The following MACROD2 variants were observed in gnomAD, a reference collection of about 807,000 sequenced individuals.
MACROD2 encodes ADP-ribose glycohydrolase MACROD2.
Under a neutral mutation model 70.4 loss-of-function variants are expected in MACROD2, and 36 were observed. That is an observed-to-expected ratio of 0.51 (90% confidence interval 0.39 to 0.68). The LOEUF is 0.68. MACROD2 is among the 30% of genes least tolerant of loss of function. MACROD2 has a pLI of 0.00. For synonymous variants in MACROD2, 172 were observed against 178.8 expected, an observed-to-expected ratio of 0.96 and a Z score of 0.30; for missense variants, 496 against 538.4, an observed-to-expected ratio of 0.92 and a Z score of 0.78.
intron 3 of MACROD2, among the ~76,000 whole-genome samples, chr20:14,415,481 TTC>T (rs1205291688): frequency 1.3e-5 from 2 of 152,138 alleles, no homozygotes; most frequent in Non-Finnish European, 2.9e-5. Context: ...GAGAGAAAAG[TTC>T]TTTGTAAATC....
chr20:14,372,579 G>A (rs182460078), intron 3 of MACROD2, among the ~76,000 whole-genome samples: 197 of 152,064 alleles, frequency 1.3e-3, no homozygotes, highest in African/African-American at 4.6e-3. Context: ...ATTAAAGAAG[G>A]GATATGTATT....
intron 4 of MACROD2, among the ~76,000 whole-genome samples, chr20:14,564,176 C>T (rs1979624739): frequency 6.6e-6 from 1 of 151,872 alleles, no homozygotes; most frequent in Non-Finnish European, 1.5e-5. Context: ...CTATCTTGTA[C>T]TGTATATAAA....
chr20:15,308,051 A>G (rs530046114), intron 6 of MACROD2, among the ~76,000 whole-genome samples: 9 of 152,180 alleles, frequency 5.9e-5, no homozygotes, highest in Non-Finnish European at 8.8e-5. Context: ...GAGGCAGGCA[A>G]TGGATGTTTA....
At chr20:15,976,539 G>A (rs2066309128) in intron 13 of MACROD2, among the ~76,000 whole-genome samples, 1 of 152,206 alleles carries the variant, frequency 6.6e-6, no homozygotes, top group South Asian at 2.1e-4. Flanking sequence ...GATGGAATGT[G>A]AAAGGTCTGC....
chr20:15,387,755 T>G (rs933301333), intron 6 of MACROD2, among the ~76,000 whole-genome samples: 4 of 140,712 alleles, frequency 2.8e-5, no homozygotes, highest in Non-Finnish European at 4.6e-5. Context: ...TTTTTTTTTT[T>G]TTGAGACAGG....
intron 5 of MACROD2, among the ~76,000 whole-genome samples, chr20:14,817,364 T>C (rs1041711839): frequency 2.0e-5 from 3 of 152,198 alleles, no homozygotes; most frequent in Non-Finnish European, 2.9e-5. Context: ...ACAATGCCTG[T>C]TGCCCCTGTG....
chr20:14,997,240 G>C (rs760031965), intron 5 of MACROD2, among the ~76,000 whole-genome samples: 40 of 152,124 alleles, frequency 2.6e-4, no homozygotes, highest in Non-Finnish European at 5.1e-4. Flanking sequence ...TAAAGCACCA[G>C]GCAGAGTCCT....
chr20:14,514,335 G>T (rs922976892), intron 4 of MACROD2, among the ~76,000 whole-genome samples: 2 of 152,064 alleles, frequency 1.3e-5, no homozygotes, highest in South Asian at 2.1e-4. Flanking sequence ...TTCACCATTG[G>T]AATGTCAGAT....
chr20:15,678,731 GC>G (rs1315559031), intron 8 of MACROD2, among the ~76,000 whole-genome samples: 1 of 152,192 alleles, frequency 6.6e-6, no homozygotes, highest in Non-Finnish European at 1.5e-5. Flanking sequence ...TCCTTTATGA[GC>G]CTAACTGAGA....
At chr20:15,874,987 A>C (rs927172071) in intron 9 of MACROD2, among the ~76,000 whole-genome samples, 33 of 152,152 alleles carry the variant, frequency 2.2e-4, no homozygotes, top group African/African-American at 7.7e-4. Context: ...TGACTGTGGA[A>C]GAATGTTCAG....
At chr20:14,151,859 T>G (rs1328283381) in intron 3 of MACROD2, among the ~76,000 whole-genome samples, 1 of 138,628 alleles carries the variant, frequency 7.2e-6, no homozygotes, top group Non-Finnish European at 1.5e-5. Flanking sequence ...TCTTGCTCTG[T>G]CGCCCAGGCT....
chr20:14,615,692 A>C (rs1983439175), intron 4 of MACROD2, among the ~76,000 whole-genome samples: 1 of 152,142 alleles, frequency 6.6e-6, no homozygotes, highest in Non-Finnish European at 1.5e-5. Flanking sequence ...AATATGTGCC[A>C]GTGTGTATTA....
intron 3 of MACROD2, among the ~76,000 whole-genome samples, chr20:14,306,292 T>G (rs1415698872): frequency 6.6e-6 from 1 of 152,102 alleles, no homozygotes; most frequent in Non-Finnish European, 1.5e-5. Flanking sequence ...TAAGGTACAA[T>G]CCTTGGTAAG....
intron 5 of MACROD2, among the ~76,000 whole-genome samples, chr20:14,846,849 A>C (rs1782534451): frequency 6.6e-6 from 1 of 152,106 alleles, no homozygotes; most frequent in Non-Finnish European, 1.5e-5. Flanking sequence ...TTTAGGTTTT[A>C]ATTAAATTTT....
intron 5 of MACROD2, among the ~76,000 whole-genome samples, chr20:14,855,994 G>T (rs2073252233): frequency 6.9e-6 from 1 of 145,434 alleles, no homozygotes. Flanking sequence ...TTATTTAAAA[G>T]ATTTCAGAAG....
chr20:15,003,508 A>G lies in MACROD2; in HGVS notation c.419-226432A>G, dbSNP rs769559357. On this transcript the variant is annotated intron_variant, in intron 5 of 17. Coordinates refer to ENST00000684519, the MANE Select transcript of MACROD2 (RefSeq NM_001351661.2). ...TAATAATTGGGACAATTAGTATGGT[A>G]GAATTTCAAAGTATAGAGACTTTTG... Among the ~76,000 whole-genome samples the G allele has an allele frequency of 1.2e-4, 19 of 152,354 alleles. No homozygotes were observed. In the South Asian group the frequency reaches 1.5e-3, roughly 12 times the overall value.
intron 8 of MACROD2, among the ~76,000 whole-genome samples, chr20:15,836,780 G>A (rs774823130): frequency 6.6e-6 from 1 of 152,168 alleles, no homozygotes; most frequent in East Asian, 1.9e-4. Flanking sequence ...AGTAAGAATA[G>A]CAATACCAAA....
At chr20:14,821,965 T>G (rs1006126734) in intron 5 of MACROD2, among the ~76,000 whole-genome samples, 8 of 152,108 alleles carry the variant, frequency 5.3e-5, no homozygotes, top group Non-Finnish European at 1.2e-4. Flanking sequence ...ATTTCATACT[T>G]CTAAATGGAT....
At chr20:14,055,524 A>AAT (rs1555914077) in intron 2 of MACROD2, among the ~76,000 whole-genome samples, 1 of 151,656 alleles carries the variant, frequency 6.6e-6, no homozygotes, top group Admixed American at 6.6e-5. Flanking sequence ...AAAAAAAAAA[A>AAT]ATACATATAT....
Sources: gnomAD v4.1 joint callset for allele counts (sites outside exome capture counted in the v4.1 genomes callset) on GRCh38, gnomAD v4.1.1 for gene constraint, MANE v1.5 for transcripts, NCBI Gene and HGNC (gene_info 2026-07-23, HGNC 2026-07-21) for gene names.